RCSD1: variants seen among roughly 807,000 people sequenced by gnomAD.
The protein encoded by RCSD1 is capZ-interacting protein.
In RCSD1, 26 loss-of-function variants were observed where a neutral mutation model predicts 42.5. That is an observed-to-expected ratio of 0.61 (90% CI 0.45 to 0.85). The LOEUF (loss-of-function observed/expected upper bound fraction) is 0.85, where lower values mean the gene tolerates loss of function less well. Ranked by LOEUF, RCSD1 falls within the 40% of genes least tolerant of loss-of-function variation. The pLI is 0.00. For missense variants in RCSD1, 571 were observed against 528.3 expected (o/e 1.08, Z -0.79); for synonymous variants, 220 against 212.2 (o/e 1.04, Z -0.32).
chr1:167,701,107 C>A (rs563256238), intron 6 of RCSD1, among the ~76,000 whole-genome samples: 3 of 152,250 alleles, frequency 2.0e-5, no homozygotes, highest in African/African-American at 7.2e-5. Flanking sequence ...GCCCAGCAAC[C>A]TCAAGAGCAC....
At chr1:167,641,984 C>T (rs4657692) in intron 1 of RCSD1, 55,155 of 152,024 alleles carry the variant, frequency 0.36, 10,256 homozygotes, top group East Asian at 0.63. Context: ...TGCTCTGGCT[C>T]ATTTCTTGTC....
intron 1 of RCSD1, among the ~76,000 whole-genome samples, chr1:167,679,672 C>A (rs1321156927): frequency 6.6e-6 from 1 of 152,214 alleles, no homozygotes; most frequent in Non-Finnish European, 1.5e-5. Context: ...GTTCTTCCAG[C>A]CCCACACTGG....
intron 6 of RCSD1, among the ~76,000 whole-genome samples, chr1:167,702,800 T>A (rs1222813043): frequency 6.6e-6 from 1 of 152,118 alleles, no homozygotes; most frequent in Non-Finnish European, 1.5e-5. Context: ...AATACATAAA[T>A]ACATAAATAC....
chr1:167,698,742 C>T (rs925319700), intron 6 of RCSD1, among the ~76,000 whole-genome samples: 1 of 152,170 alleles, frequency 6.6e-6, no homozygotes, highest in African/African-American at 2.4e-5. Context: ...ACTCACACCA[C>T]TATCAGCTTC....
chr1:167,658,289 G>A (rs1230416486), intron 1 of RCSD1, among the ~76,000 whole-genome samples: 1 of 152,158 alleles, frequency 6.6e-6, no homozygotes, highest in Non-Finnish European at 1.5e-5. Context: ...GAGCATATGT[G>A]TACATAGAGA....
In RCSD1 at chr1:167,666,515, C is replaced by T. The variant is rs138536493; in HGVS notation, c.7-17385C>T. 1.7e-4 allele frequency among the ~76,000 whole-genome samples: 26 copies of T among 152,230 alleles called. No homozygotes were observed. The South Asian group carries it at 3.7e-3, about 22-fold the overall frequency. ...AGTGTAGAGAGAATTCCTGAGTATG[C>T]GGATGATGCTAGTTACAGAGGGGAC... On this transcript the variant is annotated intron_variant, in intron 1 of 6. Transcript: ENST00000367854.
intron 1 of RCSD1, among the ~76,000 whole-genome samples, chr1:167,669,891 CG>C (rs1261372040): frequency 6.6e-5 from 10 of 152,112 alleles, no homozygotes; most frequent in African/African-American, 2.4e-4. Context: ...GGATGCAGAC[CG>C]GGGGCTGGGT....
Position 167,630,391 on chromosome 1 carries a change from GT to G in RCSD1, c.-32del. ...CGTGAGCTCCGGCCCGGGCGAGCGG[GT>G]GCGTCTGCCGCAGAGTCGGCACCTG... On this transcript the variant is annotated 5_prime_UTR_variant, in exon 1 of 7. Coordinates refer to ENST00000367854, the MANE Select transcript of RCSD1 (RefSeq NM_052862.4). The G allele has an allele frequency of 6.6e-7, 1 of 1,511,868 alleles. No homozygotes were observed. Among genetic ancestry groups the G allele is most frequent in the Non-Finnish European group, 8.9e-7 (1 of 1,125,918 alleles). 93.7% of individuals were successfully genotyped at this position (1,511,868 alleles called of 1,614,324 possible).
intron 1 of RCSD1, among the ~76,000 whole-genome samples, chr1:167,658,506 A>G (rs887324055): frequency 6.6e-6 from 1 of 151,550 alleles, no homozygotes; most frequent in African/African-American, 2.4e-5. Context: ...GCTCTCTGCA[A>G]CCTCCGCCTC....
Position 167,630,435 on chromosome 1 carries a change from G to C in RCSD1, c.6+6G>C, listed in dbSNP as rs1286897993. On this transcript the variant is annotated splice_donor_region_variant and intron_variant, in intron 1 of 6. Coordinates refer to ENST00000367854, the MANE Select transcript of RCSD1 (RefSeq NM_052862.4). ...GGCACCTGAAGGACATGGAGGTAAA[G>C]GACCCCGGAGGGAGACGCGGGGCTG... 44 of 1,539,806 alleles carry C rather than the reference G, an allele frequency of 2.9e-5. No individual in the cohort carries two copies. The highest frequency in any genetic ancestry group is 3.8e-5 in the Non-Finnish European group (43 of 1,141,354).
At chr1:167,663,033 C>T (rs1452319805) in intron 1 of RCSD1, among the ~76,000 whole-genome samples, 1 of 152,200 alleles carries the variant, frequency 6.6e-6, no homozygotes, top group Non-Finnish European at 1.5e-5. Flanking sequence ...AGAAGGTCAT[C>T]AGGGCCAGTG....
intron 6 of RCSD1, among the ~76,000 whole-genome samples, chr1:167,702,343 G>A (rs1321411495): frequency 1.3e-5 from 2 of 152,242 alleles, no homozygotes; most frequent in Non-Finnish European, 1.5e-5. Context: ...ATATCGTACT[G>A]AAAGAAGGAG....
At chr1:167,634,267 AC>A (rs1447257890) in intron 1 of RCSD1, among the ~76,000 whole-genome samples, 2 of 151,828 alleles carry the variant, frequency 1.3e-5, no homozygotes, top group African/African-American at 4.8e-5. Context: ...CCTAACTGTC[AC>A]CCCGGAAGGC....
intron 1 of RCSD1, among the ~76,000 whole-genome samples, chr1:167,637,402 A>G (rs1240263078): frequency 3.9e-5 from 6 of 152,244 alleles, no homozygotes; most frequent in African/African-American, 1.2e-4. Flanking sequence ...AAAAACATGC[A>G]AGATAGAATC....
At chr1:167,631,230 C>G (rs1254460385) in intron 1 of RCSD1, among the ~76,000 whole-genome samples, 3 of 152,248 alleles carry the variant, frequency 2.0e-5, no homozygotes, top group African/African-American at 7.2e-5. Flanking sequence ...CCACATCCCT[C>G]TCTTCTGCAC....
intron 1 of RCSD1, among the ~76,000 whole-genome samples, chr1:167,660,003 G>C (rs1468424550): frequency 1.3e-5 from 2 of 152,132 alleles, no homozygotes; most frequent in Non-Finnish European, 2.9e-5. Flanking sequence ...ATCTTGGTTT[G>C]CACGTAAGAA....
At chr1:167,636,005 G>A (rs145395974) in intron 1 of RCSD1, among the ~76,000 whole-genome samples, 27 of 152,312 alleles carry the variant, frequency 1.8e-4, no homozygotes, top group African/African-American at 6.0e-4. Flanking sequence ...GATTGCCCTA[G>A]GAATCTCCTG....
chr1:167,701,868 A>G (rs1342068782), intron 6 of RCSD1, among the ~76,000 whole-genome samples: 1 of 152,162 alleles, frequency 6.6e-6, no homozygotes, highest in Non-Finnish European at 1.5e-5. Flanking sequence ...AGTAAGAACA[A>G]TTACAAGGTT....
chr1:167,631,991 C>T (rs1442281499), intron 1 of RCSD1, among the ~76,000 whole-genome samples: 1 of 152,218 alleles, frequency 6.6e-6, no homozygotes, highest in East Asian at 1.9e-4. Context: ...ATGGACCCTC[C>T]ACAGAAACAT....
Sources: gnomAD v4.1 joint callset for allele counts (sites outside exome capture counted in the v4.1 genomes callset) on GRCh38, gnomAD v4.1.1 for gene constraint, MANE v1.5 for transcripts, NCBI Gene and HGNC (gene_info 2026-07-23, HGNC 2026-07-21) for gene names.